UBE3C: variants seen among roughly 807,000 people sequenced by gnomAD.
UBE3C encodes ubiquitin protein ligase E3C.
In UBE3C, 42 loss-of-function variants were observed where a neutral mutation model predicts 129.4. The ratio of observed to expected loss-of-function variants is 0.32; its 90% CI spans 0.25 to 0.42. UBE3C has a LOEUF of 0.42. UBE3C is among the 10% of genes least tolerant of loss of function. The pLI is 1.00. For missense variants in UBE3C, 1,049 were observed against 1,319.1 expected, an observed-to-expected ratio of 0.80 and a Z score of 3.17; for synonymous variants, 510 against 492.4, an observed-to-expected ratio of 1.04 and a Z score of -0.47.
intron 14 of UBE3C, among the ~76,000 whole-genome samples, chr7:157,219,617 G>A (rs1289568856): frequency 6.6e-6 from 1 of 152,124 alleles, no homozygotes; most frequent in Non-Finnish European, 1.5e-5. Context: ...AAATTGCAAG[G>A]GTGGCTGGGC....
intron 13 of UBE3C, among the ~76,000 whole-genome samples, chr7:157,208,849 A>G (rs544064375): frequency 6.6e-6 from 1 of 152,342 alleles, no homozygotes; most frequent in South Asian, 2.1e-4. Flanking sequence ...TGCAGCAAAC[A>G]CATCTAGTCA....
intron 1 of UBE3C, among the ~76,000 whole-genome samples, chr7:157,160,344 G>T (rs147041706): frequency 8.5e-5 from 13 of 152,214 alleles, no homozygotes; most frequent in African/African-American, 3.1e-4. Flanking sequence ...CAAAGTACTG[G>T]GATTACAGGT....
chr7:157,209,682 T>A (rs1437383842), intron 13 of UBE3C, among the ~76,000 whole-genome samples: 7 of 152,266 alleles, frequency 4.6e-5, no homozygotes, highest in Non-Finnish European at 2.9e-5. Flanking sequence ...TTCACTGTTT[T>A]ATGGCATCTG....
In UBE3C at chr7:157,168,007, A is replaced by C. The variant is rs111370006; in HGVS notation, c.121-1041A>C. On this transcript the variant is annotated intron_variant, in intron 2 of 22. Coordinates refer to ENST00000348165, the MANE Select transcript of UBE3C (RefSeq NM_014671.3). ...TCTTGAAACAAGAAAGTGACCTTTA[A>C]AATAGATGCTGGTGTTGTCTGCTTG... is the stretch of plus-strand genomic sequence containing the variant. 5.1e-3 allele frequency among the ~76,000 whole-genome samples: 774 copies of C among 152,328 alleles called. 4 individuals are homozygous for C. The highest frequency in any genetic ancestry group is 8.8e-3 in the African/African-American group (366 of 41,588).
intron 1 of UBE3C, among the ~76,000 whole-genome samples, chr7:157,157,223 A>G (rs1339512051): frequency 6.6e-6 from 1 of 152,190 alleles, no homozygotes; most frequent in Non-Finnish European, 1.5e-5. Flanking sequence ...GTGGACGGTA[A>G]TAGTCCATGC....
At chr7:157,251,323 G>A (rs1398022209) in intron 19 of UBE3C, among the ~76,000 whole-genome samples, 1 of 152,180 alleles carries the variant, frequency 6.6e-6, no homozygotes, top group Non-Finnish European at 1.5e-5. Context: ...CAATTTGGCT[G>A]TTAATCTGTT....
intron 1 of UBE3C, among the ~76,000 whole-genome samples, chr7:157,149,847 C>T (rs114603575): frequency 9.2e-5 from 14 of 152,320 alleles, no homozygotes; most frequent in African/African-American, 2.9e-4. Flanking sequence ...TATTCTTTGA[C>T]TGTGACCCCT....
intron 10 of UBE3C, among the ~76,000 whole-genome samples, chr7:157,189,606 A>G (rs1178949913): frequency 6.6e-6 from 1 of 152,184 alleles, no homozygotes; most frequent in African/African-American, 2.4e-5. Context: ...GTGCCCACTC[A>G]GCCCCGCGGC....
chr7:157,251,489 G>A (rs1796618739), intron 19 of UBE3C, among the ~76,000 whole-genome samples: 1 of 152,164 alleles, frequency 6.6e-6, no homozygotes, highest in Admixed American at 6.5e-5. Context: ...TGGTTTGGCC[G>A]CTTTTCTGTG....
At chr7:157,263,785 TA>T (rs1232291152) in intron 22 of UBE3C, among the ~76,000 whole-genome samples, 1 of 151,252 alleles carries the variant, frequency 6.6e-6, no homozygotes, top group Non-Finnish European at 1.5e-5. Flanking sequence ...TCAGTAAAAG[TA>T]ATGTTTTCAT....
At chr7:157,142,686 C>T (rs1807487812) in intron 1 of UBE3C, among the ~76,000 whole-genome samples, 1 of 151,982 alleles carries the variant, frequency 6.6e-6, no homozygotes, top group Non-Finnish European at 1.5e-5. Context: ...CCAGGGACTA[C>T]TAGAGGGGGA....
At chr7:157,194,951 A>G (rs1405633234) in intron 10 of UBE3C, among the ~76,000 whole-genome samples, 1 of 152,230 alleles carries the variant, frequency 6.6e-6, no homozygotes, top group Non-Finnish European at 1.5e-5. Flanking sequence ...ACTGTTGAAT[A>G]TAAAGAAACT....
chr7:157,183,115 TC>T (rs1207560978), intron 8 of UBE3C, among the ~76,000 whole-genome samples: 2 of 152,118 alleles, frequency 1.3e-5, no homozygotes, highest in Non-Finnish European at 2.9e-5. Flanking sequence ...GGGTTTTTTT[TC>T]CCACACACCA....
chr7:157,223,071 C>G, intron 15 of UBE3C, 183 bp from the exon 16 acceptor site: 1 of 575,208 alleles, frequency 1.7e-6, no homozygotes, highest in East Asian at 3.1e-5. Context: ...CGGGGAGCTA[C>G]TGTGCTGATC....
intron 2 of UBE3C, among the ~76,000 whole-genome samples, chr7:157,167,841 T>C (rs1053406718): frequency 5.9e-5 from 9 of 152,036 alleles, no homozygotes; most frequent in African/African-American, 1.9e-4. Context: ...TGGCCTAAAG[T>C]GCCTCTCATA....
At chr7:157,225,355 T>A in intron 16 of UBE3C, 52 bp from the exon 17 acceptor site, 2 of 1,563,538 alleles carry the variant, frequency 1.3e-6, no homozygotes, top group Non-Finnish European at 1.7e-6. Context: ...CTTTGGTAGG[T>A]TGTAAGAGGT....
chr7:157,139,361 G>A, intron 1 of UBE3C, 23 bp downstream of exon 1: 3 of 1,556,798 alleles, frequency 1.9e-6, no homozygotes, highest in South Asian at 1.2e-5. Context: ...CTGGCGGGGC[G>A]CCCTCGGCTC....
intron 17 of UBE3C, among the ~76,000 whole-genome samples, chr7:157,226,355 TACTC>T (rs926000300): frequency 7.9e-4 from 121 of 152,364 alleles, no homozygotes; most frequent in African/African-American, 2.8e-3. Flanking sequence ...TCATATTTGA[TACTC>T]AGTCTTGAAA....
chr7:157,237,420 G>A (rs1391919641), intron 18 of UBE3C, among the ~76,000 whole-genome samples: 7 of 152,118 alleles, frequency 4.6e-5, no homozygotes, highest in African/African-American at 9.7e-5. Context: ...CAGCCTGGGC[G>A]ACAGAGCGAG....
Sources: gnomAD v4.1 joint callset for allele counts (sites outside exome capture counted in the v4.1 genomes callset) on GRCh38, gnomAD v4.1.1 for gene constraint, MANE v1.5 for transcripts, NCBI Gene and HGNC (gene_info 2026-07-23, HGNC 2026-07-21) for gene names.